The following SLC4A11 variants were observed in gnomAD, a reference collection of about 807,000 sequenced individuals.
The protein encoded by SLC4A11 is solute carrier family 4 member 11.
Under a neutral mutation model 95.0 loss-of-function variants are expected in SLC4A11, and 74 were observed. The observed-to-expected ratio is 0.78, with a 90% CI of 0.65 to 0.95. The LOEUF is 0.95. Ranked by LOEUF, SLC4A11 falls within the 40% of genes least tolerant of loss-of-function variation. The probability of loss-of-function intolerance (pLI) is 0.00; values close to 1 mark genes in which losing one functional copy is unlikely to be tolerated. For synonymous variants in SLC4A11, 548 were observed against 519.0 expected (o/e 1.06, Z -0.76); for missense variants, 1,081 against 1,192.4 (o/e 0.91, Z 1.38).
chr20:3,235,309 TCACACACACACACACACACACA>T (rs58744452), intron 2 of SLC4A11, among the ~76,000 whole-genome samples: 6 of 123,540 alleles, frequency 4.9e-5, no homozygotes, highest in Admixed American at 4.0e-4. Flanking sequence ...TCTCTCTCTC[TCACACACACACACACACACACA>T]CACACACACA....
intron 1 of SLC4A11, chr20:3,238,875 A>G: frequency 8.1e-7 from 1 of 1,232,568 alleles, no homozygotes; most frequent in Admixed American, 4.4e-5. Context: ...GCGACAGCAG[A>G]GCCCTAATGA....
At position 3,229,345 on chromosome 20, in the gene SLC4A11, C is replaced by T; in HGVS notation, c.1849+1G>A. ...TCACCCACCGCCCGGCCCCAACTCA[C>T]TCTCGATTTCCCGGAAGCCATGGGA... On this transcript the variant is annotated splice_donor_variant, in intron 15 of 19. Coordinates refer to ENST00000642402, the MANE Select transcript of SLC4A11 (RefSeq NM_001174089.2). LOFTEE classifies it high-confidence loss of function. The T allele has an allele frequency of 6.2e-7, 1 of 1,613,272 alleles. No individual in the cohort carries two copies. The highest frequency in any genetic ancestry group is 8.5e-7 in the Non-Finnish European group (1 of 1,180,024).
chr20:3,229,330 C>T lies in SLC4A11; in HGVS notation c.1849+16G>A. On this transcript the variant is annotated intron_variant, in intron 15 of 19. Transcript: ENST00000642402. ...GGGAGCTACCCCACGTCACCCACCG[C>T]CCGGCCCCAACTCACTCTCGATTTC... The T allele has an allele frequency of 5.0e-6, 8 of 1,613,202 alleles. No individual in the cohort carries two copies. The highest frequency in any genetic ancestry group is 2.2e-5 in the East Asian group (1 of 44,886).
Position 3,234,441 on chromosome 20 carries a change from G to A in SLC4A11, c.291+127C>T, listed in dbSNP as rs934716565. On this transcript the variant is annotated intron_variant, in intron 4 of 19. Coordinates refer to ENST00000642402, the MANE Select transcript of SLC4A11 (RefSeq NM_001174089.2). The surrounding 1 kb of genome is among the most constrained non-coding windows in gnomAD (Gnocchi z 5.8). ...CCCCAGCCCCCAGCCCTGGGCTGGT[G>A]CGAGCTCCCTGTTGAGCTGCTCCTG... is the stretch of plus-strand genomic sequence containing the variant. The A allele has an allele frequency of 7.0e-5, 107 of 1,519,616 alleles. No individual in the cohort carries two copies. The highest frequency in any genetic ancestry group is 2.2e-4 in the Middle Eastern group (1 of 4,606). 94.1% of individuals were successfully genotyped at this position (1,519,616 alleles called of 1,614,324 possible). A position where few individuals can be genotyped will look rare whatever the true frequency, so the allele number is the denominator to read the frequency against.
rs564079670 is a variant in SLC4A11 at position 3,232,278 on chromosome 20, G to A, written c.730-730C>T. 2.3e-4 allele frequency among the ~76,000 whole-genome samples: 35 copies of A among 152,346 alleles called. 1 individual carries two copies. Among genetic ancestry groups the A allele is most frequent in the Admixed American group, 1.2e-3 (19 of 15,304 alleles). On this transcript the variant is annotated intron_variant, in intron 7 of 19. Transcript: ENST00000642402. ...CGCCCGGCCAAGGTGAAGCCCGTCC[G>A]TGAACCATGAACTCACGAACTCAGT...
In SLC4A11 at chr20:3,231,300, T is replaced by C. The variant is rs752316580; in HGVS notation, c.948+30A>G. 5.6e-6 allele frequency: 9 copies of C among 1,613,304 alleles called. No homozygotes were observed. In the South Asian group the frequency reaches 8.8e-5, roughly 16 times the overall value. On this transcript the variant is annotated intron_variant, in intron 8 of 19. Transcript: ENST00000642402. This position sits in a 1 kb window ranked among gnomAD's most constrained non-coding sequence, Gnocchi z 5.2. Reference sequence around the variant, plus strand: ...GTCCGGCCCATGCCCCCGCCGACCCTGCCGGCCCCCGCCGGCCTCTACCCT... The same window carrying C: ...GTCCGGCCCATGCCCCCGCCGACCCCGCCGGCCCCCGCCGGCCTCTACCCT...
chr20:3,236,964 C>A (rs1178846885), intron 2 of SLC4A11, among the ~76,000 whole-genome samples: 3 of 152,158 alleles, frequency 2.0e-5, no homozygotes, highest in African/African-American at 7.2e-5. Flanking sequence ...ACACAGAGCC[C>A]CATGTCCTGA....
At chr20:3,239,294 C>T (rs2068084178), upstream of SLC4A11, 1 of 1,182,666 alleles carries the variant, frequency 8.5e-7, no homozygotes, top group Non-Finnish European at 1.0e-6. Flanking sequence ...CGCCCGGGCG[C>T]GGTAGGCAGA....
At chr20:3,229,921 A>T (rs2067696443) in intron 13 of SLC4A11, 145 bp from the exon 14 acceptor site, 4 of 1,219,952 alleles carry the variant, frequency 3.3e-6, no homozygotes, top group Non-Finnish European at 3.6e-6. Flanking sequence ...ACTCCTGCCC[A>T]CTGTCCCTGT....
At position 3,233,909 on chromosome 20, in the gene SLC4A11, C is replaced by T. The variant is rs2067870104; in HGVS notation, c.605+12G>A. ...GCGACAAGAAGGGGGGCCAAGTGGC[C>T]TGGCAACTCACATGATGCAGAGCCA... On this transcript the variant is annotated intron_variant, in intron 6 of 19. Coordinates refer to ENST00000642402, the MANE Select transcript of SLC4A11 (RefSeq NM_001174089.2). 3 of 1,612,286 alleles carry T rather than the reference C, an allele frequency of 1.9e-6. No individual in the cohort carries two copies. The highest frequency in any genetic ancestry group is 4.5e-5 in the East Asian group (2 of 44,882).
Position 3,234,713 on chromosome 20 carries a change from C to G in SLC4A11, c.241+29G>C, listed in dbSNP as rs370781507. 95 of 1,613,804 alleles carry G rather than the reference C, an allele frequency of 5.9e-5. No individual in the cohort carries two copies. The African/African-American group carries it at 1.2e-3, about 20-fold the overall frequency. ...CACCTGCCCAGTCCCGTGCCTTCCC[C>G]CAGTCTGCCCCTGCTGCAGCCCCCA... On this transcript the variant is annotated intron_variant, in intron 3 of 19. Transcript: ENST00000642402. This position sits in a 1 kb window ranked among gnomAD's most constrained non-coding sequence, Gnocchi z 5.8.
At chr20:3,228,144 C>CCCCAA in intron 19 of SLC4A11, 115 bp downstream of exon 19, 3 of 718,212 alleles carry the variant, frequency 4.2e-6, no homozygotes, top group Non-Finnish European at 7.2e-6. Context: ...GCACCCACCC[C>CCCCAA]AACCCGCCCA....
Position 3,230,646 on chromosome 20 carries a change from C to T in SLC4A11, c.1284G>A (p.Val428=), listed in dbSNP as rs1453692754. ...CATAGTCATCACAGATGACACGAAT[C>T]ACTGCAGGCAGGGGGCAGGGCGGGT... ...TTAPLALYIQ[V]IRVICDDYDL... The change falls in exon 12 of 20, where the codon GTG becomes GTA. Residue 428 remains valine (V), a splice_region_variant and synonymous_variant. Coordinates refer to ENST00000642402, the MANE Select transcript of SLC4A11 (RefSeq NM_001174089.2). 1 of 1,613,464 alleles carries T rather than the reference C, an allele frequency of 6.2e-7. No individual in the cohort carries two copies. The highest frequency in any genetic ancestry group is 8.5e-7 in the Non-Finnish European group (1 of 1,179,986).
rs1285817595 is a variant in SLC4A11 at position 3,230,178 on chromosome 20, C to CGCACT, written c.1489+4_1489+8dup. The CGCACT allele has an allele frequency of 6.2e-7, 1 of 1,613,334 alleles. No individual in the cohort carries two copies. The highest frequency in any genetic ancestry group is 1.3e-5 in the African/African-American group (1 of 74,938). ...CCCTGTTCAGCAGGTGGCCCCCAGC[C>CGCACT]GCACTCACTTTTAACCGTGCCCTTG... On this transcript the variant is annotated intron_variant, in intron 13 of 19. Coordinates refer to ENST00000642402, the MANE Select transcript of SLC4A11 (RefSeq NM_001174089.2).
chr20:3,236,724 C>A (rs1007600811), intron 2 of SLC4A11, among the ~76,000 whole-genome samples: 1 of 152,152 alleles, frequency 6.6e-6, no homozygotes, highest in African/African-American at 2.4e-5. Context: ...CTTGTCCCAG[C>A]CTCCCCTCTG....
chr20:3,229,261 T>C lies in SLC4A11; in HGVS notation c.1852A>G (p.Ser618Gly). The C allele has an allele frequency of 6.2e-7, 1 of 1,613,010 alleles. No homozygotes were observed. The highest frequency in any genetic ancestry group is 8.5e-7 in the Non-Finnish European group (1 of 1,179,972). ...SSHGFREIEMSKFRYNPSESP... is the reference protein window; with the variant it reads ...SSHGFREIEMGKFRYNPSESP... Reference sequence around the variant, plus strand: ...TCGCTGGGGTTGTAGCGGAACTTGCTCACTGCAGTAGGGGACAGGCTACTG... The same window carrying C: ...TCGCTGGGGTTGTAGCGGAACTTGCCCACTGCAGTAGGGGACAGGCTACTG... The change falls in exon 16 of 20, where the codon AGC (serine) becomes GGC (glycine). Residue 618 changes from serine to glycine, a missense_variant and splice_region_variant. Ser to Gly is a moderately conservative substitution (Grantham distance 56). This residue lies in a region of SLC4A11 where 767 missense variants were observed against 858.0 expected (regional missense o/e 0.89). Coordinates refer to ENST00000642402, the MANE Select transcript of SLC4A11 (RefSeq NM_001174089.2).
At position 3,234,668 on chromosome 20, in the gene SLC4A11, T is replaced by C; in HGVS notation, c.242-51A>G. On this transcript the variant is annotated intron_variant, in intron 3 of 19. Transcript: ENST00000642402. This position sits in a 1 kb window ranked among gnomAD's most constrained non-coding sequence, Gnocchi z 5.8. ...CAGGGTGCCACCCTCTCCTCAGGTCTTTCTTAGTAAGGCGAGTCACACCTG... is the reference window on the plus strand; with the variant it reads ...CAGGGTGCCACCCTCTCCTCAGGTCCTTCTTAGTAAGGCGAGTCACACCTG... 6.2e-7 allele frequency: 1 copy of C among 1,613,836 alleles called. No individual in the cohort carries two copies. The highest frequency in any genetic ancestry group is 8.5e-7 in the Non-Finnish European group (1 of 1,179,998).
At position 3,230,567 on chromosome 20, in the gene SLC4A11, G is replaced by T; in HGVS notation, c.1363C>A (p.Leu455Ile). Residue 455 changes from leucine to isoleucine, a missense_variant, in exon 12 of 20, where the codon CTT becomes ATT. Physicochemically the swap from Leu to Ile is conservative, Grantham distance 5. Coordinates refer to ENST00000642402, the MANE Select transcript of SLC4A11 (RefSeq NM_001174089.2). Reference sequence around the variant, plus strand: ...AGGTTGAAAAAGGCATAAAGCGCAAGGAAGAAACTATTCCACAGGCCCGTC... The same window carrying T: ...AGGTTGAAAAAGGCATAAAGCGCAATGAAGAAACTATTCCACAGGCCCGTC... Reference protein sequence around the residue: ...AWTGLWNSFFLALYAFFNLSL... With the variant: ...AWTGLWNSFFIALYAFFNLSL... 1 of 1,613,926 alleles carries T rather than the reference G, an allele frequency of 6.2e-7. No homozygotes were observed. The highest frequency in any genetic ancestry group is 8.5e-7 in the Non-Finnish European group (1 of 1,180,020).
Position 3,233,476 on chromosome 20 carries a change from CCCT to C in SLC4A11, c.729+35_729+37del, listed in dbSNP as rs957036503. 5 of 1,611,684 alleles carry C rather than the reference CCCT, an allele frequency of 3.1e-6. No individual in the cohort carries two copies. In the South Asian group the frequency reaches 3.3e-5, roughly 11 times the overall value. On this transcript the variant is annotated intron_variant, in intron 7 of 19. Coordinates refer to ENST00000642402, the MANE Select transcript of SLC4A11 (RefSeq NM_001174089.2). ...CAAGCAGAGGGCGGGTAACCCGGGG[CCCT>C]CCTTCTTCCCCAGGACACGGCACTA...
Sources: gnomAD v4.1 joint callset for allele counts (sites outside exome capture counted in the v4.1 genomes callset) on GRCh38, gnomAD v4.1.1 for gene constraint, gnomAD v4.1.1 regional missense constraint, Gnocchi (gnomAD v3.1) non-coding constraint, MANE v1.5 for transcripts, NCBI Gene and HGNC (gene_info 2026-07-23, HGNC 2026-07-21) for gene names.